Variants in FOXP2 observed in about 807,000 individuals in gnomAD.
FOXP2 encodes forkhead box protein P2.
A neutral mutation model predicts 115.8 loss-of-function variants in FOXP2; 12 were observed. The ratio of observed to expected loss-of-function variants is 0.10; its 90% CI spans 0.07 to 0.17. The LOEUF (loss-of-function observed/expected upper bound fraction) is 0.17, where lower values mean the gene tolerates loss of function less well. Ranked by LOEUF, FOXP2 falls within the 10% of genes least tolerant of loss-of-function variation. FOXP2 has a pLI of 1.00. For synonymous variants in FOXP2, 328 were observed against 297.7 expected (o/e 1.10, Z -1.05); for missense variants, 629 against 843.5 (o/e 0.75, Z 3.15).
At chr7:114,097,528 A>C (rs1266789344) in intron 1 of FOXP2, among the ~76,000 whole-genome samples, 3 of 152,120 alleles carry the variant, frequency 2.0e-5, no homozygotes, top group African/African-American at 7.2e-5. Context: ...TTTTTCATTC[A>C]AGTAAGTTTT....
rs11311566 is a variant in FOXP2, at chr7:114,390,023, C to CAA, written c.-10-36460_-10-36459dup. ...TGGGCAACAGAGTGACATTCAGTGT[C>CAA]AAAAAAAAAAAAAAAAAAAAGCATA... On this transcript the variant is annotated intron_variant, in intron 2 of 17. Transcript: ENST00000634411. Among the ~76,000 whole-genome samples the CAA allele has an allele frequency of 6.5e-3, 605 of 92,892 alleles. 24 individuals are homozygous for CAA. Among genetic ancestry groups the CAA allele is most frequent in the East Asian group, 0.023 (73 of 3,136 alleles). The allele number at this position is 92,892 out of a possible 152,430, so 60.9% of individuals were successfully genotyped here. A position where few individuals can be genotyped will look rare whatever the true frequency, so the allele number is the denominator to read the frequency against.
At chr7:114,650,806 T>A (rs567905289) in intron 8 of FOXP2, among the ~76,000 whole-genome samples, 7 of 151,952 alleles carry the variant, frequency 4.6e-5, no homozygotes, top group Non-Finnish European at 1.0e-4. Context: ...TAGTCCACAG[T>A]TTCTCTTCAA....
At chr7:114,476,607 T>A (rs1019654524) in intron 2 of FOXP2, among the ~76,000 whole-genome samples, 1 of 151,960 alleles carries the variant, frequency 6.6e-6, no homozygotes, top group Non-Finnish European at 1.5e-5. Flanking sequence ...ATTCAGGCTC[T>A]TTTTTTGGTT....
intron 1 of FOXP2, among the ~76,000 whole-genome samples, chr7:114,143,486 T>C (rs10278639): frequency 0.97 from 148,088 of 152,052 alleles, 72,244 homozygotes; most frequent in East Asian, 1. Context: ...TGGATTGGTA[T>C]GACAATAGTT....
In FOXP2 at chr7:114,102,734, C is replaced by CACT. The variant is rs1584480301; in HGVS notation, c.-247+14896_-247+14897insACT. ...CACACACACACACACACACACACAC[C>CACT]CCAATGGTTATTCATATAAATATAG... On this transcript the variant is annotated intron_variant, in intron 1 of 19. Coordinates refer to the FOXP2 transcript ENST00000635638. 2.8e-5 allele frequency among the ~76,000 whole-genome samples: 3 copies of CACT among 106,630 alleles called. No individual in the cohort carries two copies. The South Asian group carries it at 1.0e-3, about 35-fold the overall frequency. The allele number at this position is 106,630 out of a possible 152,430, so 70.0% of individuals were successfully genotyped here. A position where few individuals can be genotyped will look rare whatever the true frequency, so the allele number is the denominator to read the frequency against.
rs1792858319 is a variant in FOXP2 at position 114,400,416 on chromosome 7, G to T, written c.-10-26086G>T. Among the ~76,000 whole-genome samples, 4 of 151,908 alleles carry T rather than the reference G, an allele frequency of 2.6e-5. No homozygotes were observed. The South Asian group carries it at 8.3e-4, about 32-fold the overall frequency. On this transcript the variant is annotated intron_variant, in intron 2 of 17. Transcript: ENST00000634411. ...CAGTTTTTCCTAAAAATAAAATATA[G>T]ATTCAAATTTTCCTAATTGTAAAAG... is the stretch of plus-strand genomic sequence containing the variant.
chr7:114,246,794 C>G, intron 1 of FOXP2, among the ~76,000 whole-genome samples: 1 of 152,034 alleles, frequency 6.6e-6, no homozygotes. Context: ...AGTCAATTGT[C>G]TTTATAATTA....
intron 3 of FOXP2, among the ~76,000 whole-genome samples, chr7:114,619,674 C>T (rs1804136915): frequency 6.6e-6 from 1 of 151,804 alleles, no homozygotes. Context: ...GAAACTGTAT[C>T]CTCCTTTGGG....
chr7:114,630,896 C>T (rs1055133864), intron 5 of FOXP2: 5 of 152,882 alleles, frequency 3.3e-5, no homozygotes, highest in Non-Finnish European at 7.3e-5. Context: ...TGAAGTGTGA[C>T]TGCCATCTCA....
At chr7:114,587,724 G>A (rs1659505290) in intron 3 of FOXP2, among the ~76,000 whole-genome samples, 1 of 151,028 alleles carries the variant, frequency 6.6e-6, no homozygotes, top group African/African-American at 2.4e-5. Context: ...AAAAATATGT[G>A]AATAAAATAC....
intron 1 of FOXP2, among the ~76,000 whole-genome samples, chr7:114,423,435 G>A (rs1221896592): frequency 6.6e-6 from 1 of 151,638 alleles, no homozygotes; most frequent in Non-Finnish European, 1.5e-5. Context: ...TAACTGTATC[G>A]TTTGAGTGTA....
intron 2 of FOXP2, 125 bp downstream of exon 2, chr7:114,426,804 AT>A: frequency 1.1e-5 from 11 of 1,044,840 alleles, no homozygotes; most frequent in Non-Finnish European, 1.4e-5. Context: ...ATTTATTATT[AT>A]TTGGAACATG....
chr7:114,330,742 A>G (rs142609472), intron 2 of FOXP2, among the ~76,000 whole-genome samples: 3 of 152,184 alleles, frequency 2.0e-5, no homozygotes, highest in East Asian at 3.9e-4. Context: ...TTTAGTCTCA[A>G]TAAAGATATA....
At chr7:114,135,131 A>G (rs1333530792) in intron 1 of FOXP2, among the ~76,000 whole-genome samples, 1 of 152,230 alleles carries the variant, frequency 6.6e-6, no homozygotes, top group African/African-American at 2.4e-5. Context: ...TGGAAAAGCT[A>G]TACCAATTTC....
intron 1 of FOXP2, among the ~76,000 whole-genome samples, chr7:114,134,313 TC>T (rs768031299): frequency 2.3e-4 from 35 of 152,120 alleles, no homozygotes; most frequent in Non-Finnish European, 4.9e-4. Flanking sequence ...ATGAGTGTAG[TC>T]CCTTGCTATA....
chr7:114,259,084 G>C (rs1330835804), intron 1 of FOXP2, among the ~76,000 whole-genome samples: 1 of 152,040 alleles, frequency 6.6e-6, no homozygotes, highest in Non-Finnish European at 1.5e-5. Context: ...TTTCATAAAA[G>C]GAATATATTC....
At chr7:114,467,619 C>T (rs909797229) in intron 2 of FOXP2, among the ~76,000 whole-genome samples, 1 of 152,130 alleles carries the variant, frequency 6.6e-6, no homozygotes, top group Non-Finnish European at 1.5e-5. Flanking sequence ...TGTTTACTTG[C>T]TCTGTCTGTT....
chr7:114,546,574 A>C (rs1054141257), intron 3 of FOXP2, among the ~76,000 whole-genome samples: 1 of 152,040 alleles, frequency 6.6e-6, no homozygotes, highest in Non-Finnish European at 1.5e-5. Context: ...CCTGCTTCTC[A>C]TCTGTTTAGA....
At chr7:114,477,595 A>T (rs1796336557) in intron 2 of FOXP2, among the ~76,000 whole-genome samples, 1 of 151,910 alleles carries the variant, frequency 6.6e-6, no homozygotes, top group Admixed American at 6.6e-5. Flanking sequence ...AACATCATGT[A>T]ATATTCCCAT....
Sources: gnomAD v4.1 joint callset for allele counts (sites outside exome capture counted in the v4.1 genomes callset) on GRCh38, gnomAD v4.1.1 for gene constraint, MANE v1.5 for transcripts, NCBI Gene and HGNC (gene_info 2026-07-23, HGNC 2026-07-21) for gene names.